Variants in BIRC6 observed in about 807,000 individuals in gnomAD.
BIRC6 encodes baculoviral IAP repeat containing 6, also known as dual E2 ubiquitin-conjugating enzyme/E3 ubiquitin-protein ligase BIRC6.
In BIRC6, 98 loss-of-function variants were observed where a neutral mutation model predicts 503.3. That is an observed-to-expected ratio of 0.19 (90% CI 0.17 to 0.23). BIRC6 has a LOEUF of 0.23. BIRC6 is among the 10% of genes least tolerant of loss of function. The pLI is 1.00. For synonymous variants in BIRC6, 2,240 were observed against 2,078.7 expected (o/e 1.08, Z -2.11); for missense variants, 5,360 against 5,806.0 (o/e 0.92, Z 2.50).
Position 32,435,543 on chromosome 2 carries a change from T to A in BIRC6, c.3457T>A (p.Leu1153Met). The change falls in exon 14 of 74, where the codon TTG becomes ATG. Residue 1153 changes from leucine (L) to methionine (M), a missense_variant. Physicochemically the swap from Leu to Met is conservative, Grantham distance 15 (BLOSUM62 2). Around this residue, in one of 16 missense-constraint regions of BIRC6, gnomAD observed 2,299 missense variants for 2,267.2 expected, o/e 1.01. Coordinates refer to ENST00000421745, the MANE Select transcript of BIRC6 (RefSeq NM_016252.4). ...EQNGKPSLVD[L>M]NEEMQHMDVE... ...AAATGGGAAACCGTCCCTGGTTGAT[T>A]TGAATGAAGAAATGCAGCACATGGA... 6.4e-7 allele frequency: 1 copy of A among 1,555,296 alleles called. No individual in the cohort carries two copies. Among genetic ancestry groups the A allele is most frequent in the South Asian group, 1.2e-5 (1 of 84,242 alleles).
At chr2:32,414,668 AAAAT>A (rs376508242) in intron 9 of BIRC6, 97 bp from the exon 10 acceptor site, 448 of 932,770 alleles carry the variant, frequency 4.8e-4, no homozygotes, top group Middle Eastern at 7.6e-4. Flanking sequence ...ATTTGTCTCA[AAAAT>A]AAATAAATAA....
At chr2:32,491,027 G>A (rs941420736) in intron 43 of BIRC6, among the ~76,000 whole-genome samples, 2 of 152,138 alleles carry the variant, frequency 1.3e-5, no homozygotes, top group Admixed American at 6.6e-5. Context: ...CAACTAACAT[G>A]CAAAAAGGAA....
intron 63 of BIRC6, among the ~76,000 whole-genome samples, 166 bp downstream of exon 63, chr2:32,546,026 A>T (rs2058031907): frequency 6.6e-6 from 1 of 152,198 alleles, no homozygotes; most frequent in Non-Finnish European, 1.5e-5. Flanking sequence ...TTTCTCTATT[A>T]GTCTTCTTCA....
chr2:32,446,057 T>C (rs1374871333), intron 21 of BIRC6, among the ~76,000 whole-genome samples: 1 of 152,168 alleles, frequency 6.6e-6, no homozygotes, highest in Non-Finnish European at 1.5e-5. Context: ...GGTTTCTTCA[T>C]GTTGGTCAGG....
chr2:32,586,842 A>G (rs2710606), intron 66 of BIRC6, among the ~76,000 whole-genome samples: 102,271 of 152,026 alleles, frequency 0.67, 35,047 homozygotes, highest in African/African-American at 0.77. Context: ...AGATTTTAGC[A>G]TTCGGGTAGT....
intron 70 of BIRC6, among the ~76,000 whole-genome samples, chr2:32,601,514 G>A (rs2062056268): frequency 1.3e-5 from 2 of 152,214 alleles, no homozygotes. Context: ...CCGGGAGGCG[G>A]AGGTTGCGGT....
At chr2:32,590,912 AC>A in intron 66 of BIRC6, 1 of 985,772 alleles carries the variant, frequency 1.0e-6, no homozygotes, top group Non-Finnish European at 1.2e-6. Context: ...AGTCTCAAAG[AC>A]CTACTTCCAG....
chr2:32,428,689 A>G (rs1400789302), intron 10 of BIRC6, among the ~76,000 whole-genome samples: 1 of 152,186 alleles, frequency 6.6e-6, no homozygotes, highest in Non-Finnish European at 1.5e-5. Flanking sequence ...TTTAAACTAG[A>G]AATTTGAGTT....
intron 66 of BIRC6, among the ~76,000 whole-genome samples, chr2:32,579,810 A>G (rs952901417): frequency 1.3e-5 from 2 of 152,146 alleles, no homozygotes; most frequent in African/African-American, 4.8e-5. Flanking sequence ...TAACACTGAT[A>G]GGTGAGATCT....
rs574293392 is a variant in BIRC6 at position 32,405,573 on chromosome 2, G to C, written c.1419-926G>C. Among the ~76,000 whole-genome samples the C allele has an allele frequency of 9.2e-5, 14 of 152,240 alleles. No individual in the cohort carries two copies. The East Asian group carries it at 2.3e-3, about 25-fold the overall frequency. ...TGTAATCCCAGCACTTTGGGAGACC[G>C]AGGCGGGAGGATCACAAGGTCAGGA... On this transcript the variant is annotated intron_variant, in intron 8 of 73. Coordinates refer to ENST00000421745, the MANE Select transcript of BIRC6 (RefSeq NM_016252.4).
chr2:32,601,951 GGTCT>G (rs2062090534), intron 70 of BIRC6, among the ~76,000 whole-genome samples: 1 of 152,026 alleles, frequency 6.6e-6, no homozygotes, highest in South Asian at 2.1e-4. Flanking sequence ...ATTAAATCAA[GGTCT>G]CTTCTGTTAA....
chr2:32,376,043 G>A (rs1009055008), intron 1 of BIRC6, among the ~76,000 whole-genome samples: 10 of 151,994 alleles, frequency 6.6e-5, no homozygotes, highest in African/African-American at 2.2e-4. Flanking sequence ...AAAATTAGCC[G>A]GGTGAGGTGG....
chr2:32,534,179 G>A (rs1246934022), intron 61 of BIRC6, among the ~76,000 whole-genome samples: 1 of 151,832 alleles, frequency 6.6e-6, no homozygotes, highest in African/African-American at 2.4e-5. Context: ...TTCGAGATCA[G>A]CCTGGCCAAC....
At chr2:32,481,627 G>A (rs371225361) in intron 38 of BIRC6, among the ~76,000 whole-genome samples, 174 bp downstream of exon 38, 86 of 152,152 alleles carry the variant, frequency 5.7e-4, no homozygotes, top group African/African-American at 1.6e-3. Flanking sequence ...TTAGCTGGAC[G>A]TGGTGGCGGG....
At position 32,357,065 on chromosome 2, in the gene BIRC6, A is replaced by C. The variant is rs529850099; in HGVS notation, c.-97A>C. ...CCCCTCTCCCGTCAGCCTCCCTCCG[A>C]GTTTGGCCCCTCCGGCCGGGCGATC... On this transcript the variant is annotated 5_prime_UTR_variant, in exon 1 of 74. Coordinates refer to ENST00000421745, the MANE Select transcript of BIRC6 (RefSeq NM_016252.4). The surrounding 1 kb of genome is among the most constrained non-coding windows in gnomAD (Gnocchi z 4.9). 3.7e-6 allele frequency: 4 copies of C among 1,082,300 alleles called. No individual in the cohort carries two copies. In the South Asian group the frequency reaches 7.1e-5, roughly 19 times the overall value. The allele number at this position is 1,082,300 out of a possible 1,614,324, so 67.0% of individuals were successfully genotyped here.
Position 32,466,023 on chromosome 2 carries a change from TG to T in BIRC6, c.5356+860del, listed in dbSNP as rs200612593. ...ATGAGCAGTTGTTTACACTGTAGTT[TG>T]TTTTTTTATACATAGCAATGACTGT... On this transcript the variant is annotated intron_variant, in intron 26 of 73. Coordinates refer to ENST00000421745, the MANE Select transcript of BIRC6 (RefSeq NM_016252.4). Among the ~76,000 whole-genome samples the T allele has an allele frequency of 2.2e-3, 341 of 152,324 alleles. 4 individuals carry two copies. The highest frequency in any genetic ancestry group is 7.9e-3 in the African/African-American group (330 of 41,584).
chr2:32,383,937 GC>G (rs1376826754), intron 3 of BIRC6, among the ~76,000 whole-genome samples: 1 of 152,214 alleles, frequency 6.6e-6, no homozygotes, highest in Non-Finnish European at 1.5e-5. Context: ...AGTTCTCCTT[GC>G]CCCTGTTACT....
At chr2:32,423,933 G>T (rs2043202967) in intron 10 of BIRC6, among the ~76,000 whole-genome samples, 1 of 152,120 alleles carries the variant, frequency 6.6e-6, no homozygotes, top group Non-Finnish European at 1.5e-5. Flanking sequence ...TCTGTCACTG[G>T]TATCGCAGTG....
Position 32,476,334 on chromosome 2 carries a change from C to T in BIRC6, c.6842C>T (p.Ala2281Val). ...LLVEQAKLKQATSKHFKDLIR... is the reference protein window; with the variant it reads ...LLVEQAKLKQVTSKHFKDLIR... ...GTAGAACAAGCAAAACTAAAGCAGG[C>T]CACTTCAAAGGTATGATCTATACTT... Residue 2281 changes from alanine (A) to valine (V), a missense_variant, in exon 34 of 74, where the codon GCC becomes GTC. Coordinates refer to ENST00000421745, the MANE Select transcript of BIRC6 (RefSeq NM_016252.4). The T allele has an allele frequency of 1.3e-6, 2 of 1,577,328 alleles. No homozygotes were observed. Among genetic ancestry groups the T allele is most frequent in the East Asian group, 2.3e-5 (1 of 43,610 alleles).
Sources: gnomAD v4.1 joint callset for allele counts (sites outside exome capture counted in the v4.1 genomes callset) on GRCh38, gnomAD v4.1.1 for gene constraint, gnomAD v4.1.1 regional missense constraint, Gnocchi (gnomAD v3.1) non-coding constraint, MANE v1.5 for transcripts, NCBI Gene and HGNC (gene_info 2026-07-23, HGNC 2026-07-21) for gene names.